Variants in SLC2A14 observed in about 807,000 individuals in gnomAD.
SLC2A14 encodes the protein solute carrier family 2 member 14.
In SLC2A14, 13 loss-of-function variants were observed where a neutral mutation model predicts 43.0. That is an observed-to-expected ratio of 0.30 (90% CI 0.20 to 0.48). The LOEUF (loss-of-function observed/expected upper bound fraction) is 0.48. Ranked by LOEUF, SLC2A14 falls within the 20% of genes least tolerant of loss-of-function variation. The pLI is 0.99. For synonymous variants in SLC2A14, 190 were observed against 233.8 expected (o/e 0.81, Z 1.71); for missense variants, 428 against 620.4 (o/e 0.69, Z 3.29).
intron 10 of SLC2A14, among the ~76,000 whole-genome samples, chr12:7,815,894 T>G (rs34231685): frequency 0.25 from 37,439 of 149,250 alleles, 5,310 homozygotes; most frequent in Middle Eastern, 0.35. Flanking sequence ...TTTTTTTTGT[T>G]TTTTTGTTTT....
chr12:7,853,494 G>T (rs924282230), intron 2 of SLC2A14, among the ~76,000 whole-genome samples: 6 of 151,710 alleles, frequency 4.0e-5, no homozygotes, highest in African/African-American at 1.5e-4. Flanking sequence ...CAGCTACTTG[G>T]GAGGCTGAGG....
intron 5 of SLC2A14, among the ~76,000 whole-genome samples, chr12:7,829,303 A>G (rs1864790352): frequency 6.6e-6 from 1 of 152,114 alleles, no homozygotes; most frequent in Non-Finnish European, 1.5e-5. Context: ...GCTCACACCT[A>G]TAACCCAGAA....
intron 2 of SLC2A14, among the ~76,000 whole-genome samples, chr12:7,854,904 G>A (rs1867232112): frequency 6.6e-6 from 1 of 152,000 alleles, no homozygotes; most frequent in East Asian, 1.9e-4. Flanking sequence ...TCCGCCTCCC[G>A]TGTTCAAGCA....
chr12:7,853,411 C>G (rs1483538247), intron 2 of SLC2A14, among the ~76,000 whole-genome samples: 2 of 118,674 alleles, frequency 1.7e-5, no homozygotes, highest in African/African-American at 3.2e-5. Flanking sequence ...GCCAGAGCAA[C>G]AGAGAGAGAC....
chr12:7,861,180 C>G (rs1944534977), intron 2 of SLC2A14, among the ~76,000 whole-genome samples: 1 of 152,070 alleles, frequency 6.6e-6, no homozygotes, highest in South Asian at 2.1e-4. Context: ...ATGTGAAGAT[C>G]TGTAGTGCAA....
intron 2 of SLC2A14, among the ~76,000 whole-genome samples, chr12:7,848,325 T>A (rs1866626109): frequency 6.6e-6 from 1 of 152,076 alleles, no homozygotes; most frequent in African/African-American, 2.4e-5. Context: ...AGCTCTTATG[T>A]CTTGACTGTT....
At chr12:7,821,102 AT>A in intron 8 of SLC2A14, 118 bp downstream of exon 8, 1 of 761,556 alleles carries the variant, frequency 1.3e-6, no homozygotes, top group Non-Finnish European at 2.0e-6. Context: ...ATTTAAAAAA[AT>A]AAAAATAAAT....
At chr12:7,865,567 A>G (rs1475521534) in intron 2 of SLC2A14, among the ~76,000 whole-genome samples, 1 of 152,016 alleles carries the variant, frequency 6.6e-6, no homozygotes, top group African/African-American at 2.4e-5. Flanking sequence ...AAATAAAAAA[A>G]GACAATAAAT....
chr12:7,869,792 G>A (rs372253781), intron 2 of SLC2A14, 71 bp downstream of exon 2: 12 of 961,500 alleles, frequency 1.2e-5, no homozygotes, highest in African/African-American at 4.8e-5. Flanking sequence ...TTAGGAAGAT[G>A]ATAGGTACTG....
upstream of SLC2A14, among the ~76,000 whole-genome samples, chr12:7,873,943 G>A (rs1031749675): frequency 9.9e-5 from 15 of 152,030 alleles, no homozygotes; most frequent in Non-Finnish European, 1.5e-4. Flanking sequence ...TCAGTACAGG[G>A]TTGACAAGTC....
At chr12:7,879,442 T>G (rs4883457) in intron 1 of SLC2A14, among the ~76,000 whole-genome samples, 151,597 of 152,056 alleles carry the variant, frequency 1, 75,576 homozygotes, top group East Asian at 1. Flanking sequence ...AGCACTTTGG[T>G]AGGCCAAGGG....
chr12:7,842,229 T>TGAGC (rs1866015358), intron 2 of SLC2A14, among the ~76,000 whole-genome samples: 1 of 152,238 alleles, frequency 6.6e-6, no homozygotes, highest in Admixed American at 6.5e-5. Flanking sequence ...TTTCTTTTTA[T>TGAGC]CACTGGATAA....
At chr12:7,864,299 A>AT (rs1215469440) in intron 2 of SLC2A14, among the ~76,000 whole-genome samples, 4 of 151,626 alleles carry the variant, frequency 2.6e-5, no homozygotes, top group Non-Finnish European at 5.9e-5. Context: ...AAATTTATCA[A>AT]TTTTTCCTCT....
chr12:7,821,178 G>C, intron 8 of SLC2A14, 43 bp downstream of exon 8: 1 of 1,439,608 alleles, frequency 6.9e-7, no homozygotes, highest in South Asian at 1.1e-5. Context: ...TCTGTAGCAA[G>C]GATTCATTTC....
intron 2 of SLC2A14, among the ~76,000 whole-genome samples, chr12:7,854,592 A>C (rs1223139673): frequency 1.3e-5 from 2 of 152,026 alleles, no homozygotes. Context: ...ATCTCGGCTC[A>C]TGGCAACCTC....
intron 5 of SLC2A14, 140 bp from the exon 6 acceptor site, chr12:7,829,006 A>G (rs1864761395): frequency 2.9e-6 from 3 of 1,049,944 alleles, no homozygotes; most frequent in Non-Finnish European, 4.1e-6. Flanking sequence ...GTGGATCAGG[A>G]GTTGAAGACC....
intron 7 of SLC2A14, among the ~76,000 whole-genome samples, chr12:7,825,928 G>A (rs1864323490): frequency 6.6e-6 from 1 of 151,852 alleles, no homozygotes; most frequent in African/African-American, 2.4e-5. Flanking sequence ...ACTGTGGTGA[G>A]GCAGCTAGGG....
chr12:7,835,093 G>T (rs7306216), intron 2 of SLC2A14, among the ~76,000 whole-genome samples: 149,745 of 150,258 alleles, frequency 1, 74,621 homozygotes, highest in Middle Eastern at 1. Flanking sequence ...TCTTTCTGTA[G>T]CTCTATTAAA....
At chr12:7,868,886 T>A (rs1309075910) in intron 2 of SLC2A14, among the ~76,000 whole-genome samples, 2 of 152,078 alleles carry the variant, frequency 1.3e-5, no homozygotes, top group African/African-American at 4.8e-5. Context: ...GGCTCAAGCC[T>A]GTAATCCCAG....
Sources: gnomAD v4.1 joint callset for allele counts (sites outside exome capture counted in the v4.1 genomes callset) on GRCh38, gnomAD v4.1.1 for gene constraint, MANE v1.5 for transcripts, NCBI Gene and HGNC (gene_info 2026-07-23, HGNC 2026-07-21) for gene names.